HHAT: variants seen among roughly 807,000 people sequenced by gnomAD.
The protein encoded by HHAT is hedgehog acyltransferase, also known as protein-cysteine N-palmitoyltransferase HHAT.
A neutral mutation model predicts 70.8 loss-of-function variants in HHAT; 47 were observed. The ratio of observed to expected loss-of-function variants is 0.66; its 90% CI spans 0.53 to 0.85. The LOEUF (loss-of-function observed/expected upper bound fraction) is 0.85, where lower values mean the gene tolerates loss of function less well. Ranked by LOEUF, HHAT falls within the 40% of genes least tolerant of loss-of-function variation. The probability of loss-of-function intolerance (pLI) is 0.00; values close to 1 mark genes in which losing one functional copy is unlikely to be tolerated. For missense variants in HHAT, 609 were observed against 604.8 expected, an observed-to-expected ratio of 1.01 and a Z score of -0.07; for synonymous variants, 228 against 247.6, an observed-to-expected ratio of 0.92 and a Z score of 0.74.
At chr1:210,579,238 A>T (rs1453893360) in intron 9 of HHAT, among the ~76,000 whole-genome samples, 2 of 152,314 alleles carry the variant, frequency 1.3e-5, no homozygotes, top group Admixed American at 1.3e-4. Context: ...AACCCCTGTG[A>T]CATGAGTTTA....
chr1:210,627,272 A>T (rs1323570725), intron 11 of HHAT, among the ~76,000 whole-genome samples: 5 of 152,154 alleles, frequency 3.3e-5, no homozygotes, highest in African/African-American at 9.7e-5. Context: ...GTGTGGATAC[A>T]CATGTGTCTT....
chr1:210,530,740 G>T (rs1182589958), intron 9 of HHAT, among the ~76,000 whole-genome samples: 1 of 152,166 alleles, frequency 6.6e-6, no homozygotes, highest in Non-Finnish European at 1.5e-5. Flanking sequence ...TGGGCCCTAT[G>T]TGCTTCTAAG....
intron 9 of HHAT, among the ~76,000 whole-genome samples, chr1:210,529,172 G>A (rs960225082): frequency 7.9e-5 from 12 of 152,072 alleles, no homozygotes; most frequent in Middle Eastern, 3.2e-3. Context: ...AGGTATGGTG[G>A]CACACGCCTG....
intron 1 of HHAT, among the ~76,000 whole-genome samples, chr1:210,341,962 T>C (rs2086077932): frequency 6.6e-6 from 1 of 152,178 alleles, no homozygotes; most frequent in South Asian, 2.1e-4. Flanking sequence ...TCTACCGCTT[T>C]GTCCTCACTT....
intron 1 of HHAT, among the ~76,000 whole-genome samples, chr1:210,334,223 C>T (rs925906277): frequency 8.6e-6 from 1 of 115,860 alleles, no homozygotes; most frequent in African/African-American, 3.2e-5. Flanking sequence ...CTGTGTTTCC[C>T]AGGCTGGATC....
chr1:210,396,012 A>T (rs2091764154), intron 4 of HHAT, among the ~76,000 whole-genome samples: 1 of 152,188 alleles, frequency 6.6e-6, no homozygotes, highest in African/African-American at 2.4e-5. Flanking sequence ...GTCAGACCCC[A>T]TTTTGAGAGT....
At chr1:210,469,185 A>T (rs2094157540) in intron 8 of HHAT, among the ~76,000 whole-genome samples, 1 of 152,136 alleles carries the variant, frequency 6.6e-6, no homozygotes, top group African/African-American at 2.4e-5. Context: ...TCAGCTCTGC[A>T]CCGGAGATGT....
intron 9 of HHAT, among the ~76,000 whole-genome samples, chr1:210,513,490 T>C (rs1248720240): frequency 6.6e-6 from 1 of 152,228 alleles, no homozygotes; most frequent in Non-Finnish European, 1.5e-5. Context: ...TGCCAGCTTG[T>C]ATTCAGACGT....
chr1:210,419,317 G>A (rs973933057), intron 7 of HHAT, among the ~76,000 whole-genome samples: 3 of 152,168 alleles, frequency 2.0e-5, no homozygotes, highest in Non-Finnish European at 4.4e-5. Context: ...TGCCAGGGAG[G>A]TGGCATGGAA....
intron 9 of HHAT, among the ~76,000 whole-genome samples, chr1:210,534,000 G>A (rs910646231): frequency 6.6e-6 from 1 of 152,190 alleles, no homozygotes; most frequent in South Asian, 2.1e-4. Flanking sequence ...GAGGCTGGAA[G>A]AGAACATGGA....
intron 2 of HHAT, among the ~76,000 whole-genome samples, chr1:210,351,577 C>G (rs2087026582): frequency 6.6e-6 from 1 of 152,146 alleles, no homozygotes; most frequent in South Asian, 2.1e-4. Context: ...GGACTGGACT[C>G]AGCTGGCATT....
intron 10 of HHAT, among the ~76,000 whole-genome samples, chr1:210,622,092 G>T (rs1421338682): frequency 6.6e-6 from 1 of 152,168 alleles, no homozygotes; most frequent in African/African-American, 2.4e-5. Flanking sequence ...ATTCACAGTA[G>T]GGCCGCATAA....
chr1:210,418,156 G>T lies in HHAT; in HGVS notation c.687G>T (p.Met229Ile). The T allele has an allele frequency of 4.3e-6, 7 of 1,614,076 alleles. No individual in the cohort carries two copies. The highest frequency in any genetic ancestry group is 5.9e-6 in the Non-Finnish European group (7 of 1,179,972). ...GACCTCTTTTGTTTCCACTTTAGAT[G>T]CAGCAGCAGGAGCATGACTCCCTGA... is the stretch of plus-strand genomic sequence containing the variant. ...ILSFSEFIKQ[M>I]QQQEHDSLKA... Residue 229 changes from methionine (M) to isoleucine (I), a missense_variant and splice_region_variant, in exon 7 of 12, where the codon ATG (methionine) becomes ATT (isoleucine). Coordinates refer to ENST00000261458, the MANE Select transcript of HHAT (RefSeq NM_018194.6).
chr1:210,510,422 C>T (rs1018619477), intron 8 of HHAT, among the ~76,000 whole-genome samples: 2 of 152,204 alleles, frequency 1.3e-5, no homozygotes, highest in East Asian at 1.9e-4. Context: ...ACTCTGCTTA[C>T]GTGAACTTCC....
chr1:210,589,291 G>A (rs1661151448), intron 10 of HHAT: 1 of 151,982 alleles, frequency 6.6e-6, no homozygotes, highest in African/African-American at 2.4e-5. Flanking sequence ...GAAATAAACC[G>A]AGTAGTCAAA....
intron 9 of HHAT, among the ~76,000 whole-genome samples, chr1:210,531,892 G>A (rs887153984): frequency 6.6e-6 from 1 of 152,166 alleles, no homozygotes; most frequent in African/African-American, 2.4e-5. Context: ...AATCTTTTTT[G>A]ACAAGACAGA....
intron 7 of HHAT, among the ~76,000 whole-genome samples, chr1:210,419,716 A>G (rs948266242): frequency 8.5e-5 from 13 of 152,240 alleles, no homozygotes; most frequent in African/African-American, 3.1e-4. Context: ...AAAAAATGCT[A>G]AGCTAGTTTA....
intron 9 of HHAT, among the ~76,000 whole-genome samples, chr1:210,563,895 G>GT (rs1360939869): frequency 1.3e-5 from 2 of 152,154 alleles, no homozygotes; most frequent in East Asian, 1.9e-4. Context: ...ATTAGCCTCA[G>GT]TGAGTGGTTG....
Position 210,560,308 on chromosome 1 carries a change from GT to G in HHAT, c.1044-27583del, listed in dbSNP as rs550696278. 3.2e-3 allele frequency among the ~76,000 whole-genome samples: 489 copies of G among 152,136 alleles called. 6 individuals are homozygous for G. The highest frequency in any genetic ancestry group is 0.011 in the African/African-American group (443 of 41,512). Reference sequence around the variant, plus strand: ...ATGTGTGACTTCCTCAGAGTCAAAGGTTTTTTTCCCCCACTTAAAAACAATG... The same window carrying G: ...ATGTGTGACTTCCTCAGAGTCAAAGGTTTTTTCCCCCACTTAAAAACAATG... On this transcript the variant is annotated intron_variant, in intron 9 of 11. Transcript: ENST00000261458.
Sources: allele counts gnomAD v4.1 joint callset (sites outside exome capture counted in the v4.1 genomes callset), GRCh38; gene constraint gnomAD v4.1.1; transcripts MANE v1.5; gene names NCBI Gene and HGNC (gene_info 2026-07-23, HGNC 2026-07-21).